FREM2: variants seen among roughly 807,000 people sequenced by gnomAD.
FREM2 encodes the protein FRAS1-related extracellular matrix protein 2.
Under a neutral mutation model 219.9 loss-of-function variants are expected in FREM2, and 119 were observed. That is an observed-to-expected ratio of 0.54 (90% CI 0.47 to 0.63). FREM2 has a LOEUF of 0.63. Ranked by LOEUF, FREM2 falls within the 30% of genes least tolerant of loss-of-function variation. FREM2 has a pLI of 0.00. For synonymous variants in FREM2, 1,562 were observed against 1,522.8 expected (o/e 1.03, Z -0.60); for missense variants, 4,030 against 3,993.6 (o/e 1.01, Z -0.25).
chr13:38,805,100 T>C (rs1397727481), intron 6 of FREM2, among the ~76,000 whole-genome samples: 3 of 152,152 alleles, frequency 2.0e-5, no homozygotes, highest in Non-Finnish European at 2.9e-5. Flanking sequence ...ATAAGAGTCA[T>C]TGGCAGTAGA....
At chr13:38,786,286 C>T (rs1474793259) in intron 6 of FREM2, among the ~76,000 whole-genome samples, 1 of 152,092 alleles carries the variant, frequency 6.6e-6, no homozygotes, top group African/African-American at 2.4e-5. Context: ...CTGTAGAATC[C>T]ATAACAACAT....
intron 6 of FREM2, among the ~76,000 whole-genome samples, chr13:38,800,455 A>T (rs1566146722): frequency 6.6e-6 from 1 of 152,210 alleles, no homozygotes; most frequent in East Asian, 1.9e-4. Flanking sequence ...ATAGGTGACT[A>T]GAAGCTTTTC....
intron 2 of FREM2, among the ~76,000 whole-genome samples, chr13:38,700,657 A>G (rs1870308848): frequency 2.0e-5 from 3 of 152,146 alleles, no homozygotes; most frequent in Admixed American, 1.3e-4. Flanking sequence ...AAACTGAGTC[A>G]CCAAAATAAG....
chr13:38,760,698 T>G (rs2137805365), intron 2 of FREM2, among the ~76,000 whole-genome samples: 1 of 152,310 alleles, frequency 6.6e-6, no homozygotes, highest in East Asian at 1.9e-4. Flanking sequence ...GCTCAATAAA[T>G]GAAGGACCAC....
intron 6 of FREM2, among the ~76,000 whole-genome samples, chr13:38,840,213 TC>T (rs1179404222): frequency 1.3e-5 from 2 of 151,928 alleles, no homozygotes; most frequent in African/African-American, 4.8e-5. Flanking sequence ...GGGAGGGAGT[TC>T]CCCGACCCCT....
intron 2 of FREM2, among the ~76,000 whole-genome samples, chr13:38,723,563 A>G (rs894844508): frequency 2.0e-5 from 3 of 152,150 alleles, no homozygotes; most frequent in Admixed American, 1.3e-4. Context: ...GGGGTGCATG[A>G]CATAATTGTC....
At position 38,859,474 on chromosome 13, in the gene FREM2, A is replaced by T; in HGVS notation, c.7403A>T (p.Asp2468Val). Residue 2468 changes from aspartate (D) to valine (V), a missense_variant, in exon 14 of 24, where the codon GAC (aspartate) becomes GTC (valine). Asp to Val is a radical substitution (Grantham distance 152). Around this residue, in one of 2 missense-constraint regions of FREM2, gnomAD observed 928 missense variants for 1,042.9 expected, o/e 0.89. Transcript: ENST00000280481. ...FFTSSKMVTL[D>V]SIYFQPGSRV... is the part of the protein sequence containing the mutation. ...ACGTCATCCAAGATGGTCACACTGG[A>T]CTCCATATACTTTCAGCCTGGCTCC... The T allele has an allele frequency of 6.2e-7, 1 of 1,613,836 alleles. No homozygotes were observed. Among genetic ancestry groups the T allele is most frequent in the Non-Finnish European group, 8.5e-7 (1 of 1,179,966 alleles).
In FREM2 at chr13:38,689,583, A is replaced by ACAGACACAGACGAAAATCACCTGC; in HGVS notation, c.2243_2266dup (p.Asp748_Pro755dup). ...ACGTTACACAGTGACTCAGCCCCCCACAGACACAGACGAAAATCACCTGCC... is the reference window on the plus strand; with the variant it reads ...ACGTTACACAGTGACTCAGCCCCCCACAGACACAGACGAAAATCACCTGCCAGACACAGACGAAAATCACCTGCC... On this transcript the variant is annotated inframe_insertion, in exon 1 of 24. Transcript: ENST00000280481. The ACAGACACAGACGAAAATCACCTGC allele has an allele frequency of 1.2e-6, 2 of 1,612,830 alleles. No homozygotes were observed. The highest frequency in any genetic ancestry group is 1.7e-6 in the Non-Finnish European group (2 of 1,179,256).
At position 38,731,845 on chromosome 13, in the gene FREM2, TA is replaced by T. The variant is rs1396853449; in HGVS notation, c.5264-32455del. Among the ~76,000 whole-genome samples, 4 of 152,304 alleles carry T rather than the reference TA, an allele frequency of 2.6e-5. No homozygotes were observed. The East Asian group carries it at 7.7e-4, about 29-fold the overall frequency. ...GTCAAGCTGCTGCTGTTCATGTTTG[TA>T]AAATAGTTATCATCAGTGTACAACA... On this transcript the variant is annotated intron_variant, in intron 2 of 23. Coordinates refer to ENST00000280481, the MANE Select transcript of FREM2 (RefSeq NM_207361.6).
At chr13:38,692,552 T>A (rs761079759) in intron 1 of FREM2, 35 bp downstream of exon 1, 8 of 1,600,416 alleles carry the variant, frequency 5.0e-6, no homozygotes, top group Non-Finnish European at 6.8e-6. Flanking sequence ...GTTATCCTTG[T>A]TTCCTGAGAA....
At chr13:38,756,674 T>A (rs1198136759) in intron 2 of FREM2, among the ~76,000 whole-genome samples, 1 of 151,852 alleles carries the variant, frequency 6.6e-6, no homozygotes, top group Non-Finnish European at 1.5e-5. Flanking sequence ...ACTACAGGCA[T>A]GTGCCACCAT....
chr13:38,827,060 C>T (rs1566157008), intron 6 of FREM2, among the ~76,000 whole-genome samples: 1 of 152,082 alleles, frequency 6.6e-6, no homozygotes, highest in Non-Finnish European at 1.5e-5. Flanking sequence ...AAAATCTAAA[C>T]ATCTAAAATG....
At chr13:38,833,972 C>T (rs114558958) in intron 6 of FREM2, among the ~76,000 whole-genome samples, 2 of 152,146 alleles carry the variant, frequency 1.3e-5, no homozygotes, top group African/African-American at 4.8e-5. Flanking sequence ...AGTATATTAA[C>T]AGGAGAGGAA....
chr13:38,885,016 G>T lies in FREM2; in HGVS notation c.*4229G>T, dbSNP rs1172910870. 1.3e-5 allele frequency: 2 copies of T among 152,066 alleles called. No individual in the cohort carries two copies. Among genetic ancestry groups the T allele is most frequent in the Non-Finnish European group, 2.9e-5 (2 of 67,982 alleles). The allele number at this position is 152,066 out of a possible 1,614,324, so 9.4% of individuals were successfully genotyped here. On this transcript the variant is annotated 3_prime_UTR_variant, in exon 24 of 24. Coordinates refer to ENST00000280481, the MANE Select transcript of FREM2 (RefSeq NM_207361.6). ...TATTGCATGGTAATAACATTTAATTGTTAAGGAAACATTATATATAGGTTC... is the reference window on the plus strand; with the variant it reads ...TATTGCATGGTAATAACATTTAATTTTTAAGGAAACATTATATATAGGTTC...
At chr13:38,751,604 C>T (rs1248556531) in intron 2 of FREM2, among the ~76,000 whole-genome samples, 3 of 152,058 alleles carry the variant, frequency 2.0e-5, no homozygotes, top group Non-Finnish European at 4.4e-5. Flanking sequence ...TCCTCTGAGC[C>T]CCAGGAGATT....
chr13:38,817,760 G>A (rs1028099389), intron 6 of FREM2, among the ~76,000 whole-genome samples: 2 of 152,116 alleles, frequency 1.3e-5, no homozygotes, highest in Non-Finnish European at 2.9e-5. Context: ...TGTTAAGAGA[G>A]TGAAGAGACA....
chr13:38,785,025 GT>G (rs1294434613), intron 6 of FREM2, among the ~76,000 whole-genome samples: 1 of 152,204 alleles, frequency 6.6e-6, no homozygotes, highest in East Asian at 1.9e-4. Context: ...AATTATGTGA[GT>G]TTTTTCCGCT....
At chr13:38,749,394 T>G (rs1320568896) in intron 2 of FREM2, among the ~76,000 whole-genome samples, 1 of 152,176 alleles carries the variant, frequency 6.6e-6, no homozygotes, top group Non-Finnish European at 1.5e-5. Flanking sequence ...GAGGAGGCAG[T>G]TTTATCATTT....
intron 6 of FREM2, among the ~76,000 whole-genome samples, chr13:38,826,723 A>G (rs1876302253): frequency 6.6e-6 from 1 of 152,124 alleles, no homozygotes; most frequent in South Asian, 2.1e-4. Context: ...TCCCAAATAA[A>G]TCACCCTCAT....
Sources: allele counts gnomAD v4.1 joint callset (sites outside exome capture counted in the v4.1 genomes callset), GRCh38; gene constraint gnomAD v4.1.1; regional missense constraint gnomAD v4.1.1; transcripts MANE v1.5; gene names NCBI Gene and HGNC (gene_info 2026-07-23, HGNC 2026-07-21).